Variants in IMPA2 observed in about 807,000 individuals in gnomAD.
The protein encoded by IMPA2 is IMP 2.
A neutral mutation model predicts 35.1 loss-of-function variants in IMPA2; 32 were observed. The observed-to-expected ratio is 0.91, with a 90% CI of 0.69 to 1.23. IMPA2 has a LOEUF of 1.23. Ranked by LOEUF, IMPA2 falls within the 50% of genes most tolerant of loss-of-function variation. IMPA2 has a pLI of 0.00. For missense variants in IMPA2, 334 were observed against 387.6 expected (o/e 0.86, Z 1.16); for synonymous variants, 135 against 160.6 (o/e 0.84, Z 1.20).
intron 5 of IMPA2, among the ~76,000 whole-genome samples, chr18:12,021,418 GA>G (rs1356827035): frequency 4.0e-5 from 6 of 151,706 alleles, no homozygotes; most frequent in African/African-American, 1.5e-4. Context: ...ACACACTGAT[GA>G]AAGTGTAGTC....
chr18:11,983,147 C>T (rs1411208765), intron 1 of IMPA2, among the ~76,000 whole-genome samples: 1 of 152,132 alleles, frequency 6.6e-6, no homozygotes, highest in African/African-American at 2.4e-5. Flanking sequence ...AAGAGTGTTG[C>T]GAAACTCCAC....
At chr18:11,992,343 T>C (rs1906840143) in intron 1 of IMPA2, among the ~76,000 whole-genome samples, 1 of 152,206 alleles carries the variant, frequency 6.6e-6, no homozygotes, top group African/African-American at 2.4e-5. Context: ...GAAACTGCAC[T>C]CTGGCAAGGC....
At chr18:12,020,770 G>T (rs1907707228) in intron 5 of IMPA2, among the ~76,000 whole-genome samples, 1 of 151,870 alleles carries the variant, frequency 6.6e-6, no homozygotes, top group Non-Finnish European at 1.5e-5. Context: ...TTTCCTTTAT[G>T]TAATTTTTCC....
intron 2 of IMPA2, 65 bp downstream of exon 2, chr18:11,999,252 C>A (rs1050728607): frequency 2.7e-6 from 4 of 1,507,268 alleles, no homozygotes; most frequent in Non-Finnish European, 3.6e-6. Context: ...AATGCAGGGT[C>A]TGCCGGGGTC....
At chr18:11,982,971 A>G (rs537840675) in intron 1 of IMPA2, among the ~76,000 whole-genome samples, 1 of 152,288 alleles carries the variant, frequency 6.6e-6, no homozygotes, top group Admixed American at 6.5e-5. Context: ...TTAAATTTGA[A>G]GTGAGTCGTC....
At chr18:12,005,924 T>G (rs1029524235) in intron 2 of IMPA2, among the ~76,000 whole-genome samples, 28 of 152,216 alleles carry the variant, frequency 1.8e-4, no homozygotes, top group African/African-American at 5.8e-4. Context: ...CTTACCTTTG[T>G]GCCTGAGTCA....
intron 1 of IMPA2, among the ~76,000 whole-genome samples, chr18:11,997,765 T>G (rs538367689): frequency 6.6e-6 from 1 of 152,188 alleles, no homozygotes; most frequent in Non-Finnish European, 1.5e-5. Context: ...TTGAGAGAAA[T>G]ACAGGATTCT....
intron 5 of IMPA2, among the ~76,000 whole-genome samples, chr18:12,022,941 A>ATTTTTTT (rs35737614): frequency 9.8e-5 from 8 of 81,674 alleles, no homozygotes; most frequent in Admixed American, 1.7e-4. Flanking sequence ...CGCCTGCCTA[A>ATTTTTTT]TTTTTTTTTT....
At chr18:12,020,645 C>T (rs947557699) in intron 5 of IMPA2, among the ~76,000 whole-genome samples, 2 of 151,554 alleles carry the variant, frequency 1.3e-5, no homozygotes, top group African/African-American at 4.9e-5. Flanking sequence ...TTATCTTTTC[C>T]ACCAATTATC....
At position 12,030,371 on chromosome 18, in the gene IMPA2, AGT is replaced by A; in HGVS notation, c.782_783del (p.Val261GlyfsTer20). 6.2e-7 allele frequency: 1 copy of A among 1,614,096 alleles called. No individual in the cohort carries two copies. The highest frequency in any genetic ancestry group is 8.5e-7 in the Non-Finnish European group (1 of 1,180,010). ...GACCCCTCGACCTCATGGCTTGCAG[AGT>A]GGTTGCGGCCAGCACCCGGGAGATG... ...GGPLDLMACR[V>X]VAASTREMAM... is the part of the protein sequence containing the mutation. On this transcript the variant is annotated frameshift_variant, in exon 8 of 8. Transcript: ENST00000269159. LOFTEE classifies it high-confidence loss of function.
At chr18:11,990,068 G>A (rs1225746995) in intron 1 of IMPA2, among the ~76,000 whole-genome samples, 1 of 152,168 alleles carries the variant, frequency 6.6e-6, no homozygotes, top group Non-Finnish European at 1.5e-5. Context: ...CCTGGAGCCT[G>A]GTTTGCGTCT....
chr18:11,999,291 C>A, intron 2 of IMPA2, 104 bp downstream of exon 2: 1 of 1,138,288 alleles, frequency 8.8e-7, no homozygotes, highest in Non-Finnish European at 1.2e-6. Context: ...TTGATGTGGC[C>A]AGACGTGAAG....
intron 1 of IMPA2, among the ~76,000 whole-genome samples, chr18:11,996,329 C>T (rs1008853879): frequency 3.3e-5 from 5 of 152,194 alleles, no homozygotes; most frequent in Non-Finnish European, 4.4e-5. Context: ...CTGTGAGCAG[C>T]GGGAAGCCGT....
chr18:12,022,540 T>TATATATATATATAG (rs1907760524), intron 5 of IMPA2, among the ~76,000 whole-genome samples: 1 of 141,382 alleles, frequency 7.1e-6, no homozygotes, highest in Non-Finnish European at 1.5e-5. Context: ...TATATATATA[T>TATATATATATATAG]ATATATATAT....
At chr18:12,004,534 G>GGT in intron 2 of IMPA2, among the ~76,000 whole-genome samples, 1 of 139,642 alleles carries the variant, frequency 7.2e-6, no homozygotes, top group South Asian at 2.3e-4. Context: ...TATATTGTGG[G>GGT]TTTTTTTTTT....
At chr18:12,029,876 C>T (rs1040371065) in intron 7 of IMPA2, among the ~76,000 whole-genome samples, 3 of 152,214 alleles carry the variant, frequency 2.0e-5, no homozygotes, top group African/African-American at 2.4e-5. Flanking sequence ...CGAGCTTCTT[C>T]GAGTGTGGGT....
chr18:12,007,676 T>TTTCTTTCC (rs1568032979), intron 2 of IMPA2, among the ~76,000 whole-genome samples: 8 of 111,360 alleles, frequency 7.2e-5, no homozygotes, highest in South Asian at 2.8e-4. Flanking sequence ...TCTTTCTTTC[T>TTTCTTTCC]TTCCTTTCTT....
intron 1 of IMPA2, among the ~76,000 whole-genome samples, chr18:11,983,246 T>C (rs1050321386): frequency 6.6e-6 from 1 of 152,226 alleles, no homozygotes; most frequent in Non-Finnish European, 1.5e-5. Context: ...CAAGCGTTCT[T>C]CCTGGAAAGC....
chr18:12,022,941 A>ATTTTTTTTTGT (rs1907775192), intron 5 of IMPA2, among the ~76,000 whole-genome samples: 1 of 81,672 alleles, frequency 1.2e-5, no homozygotes. Context: ...CGCCTGCCTA[A>ATTTTTTTTTGT]TTTTTTTTTT....
Sources: allele counts gnomAD v4.1 joint callset (sites outside exome capture counted in the v4.1 genomes callset), GRCh38; gene constraint gnomAD v4.1.1; transcripts MANE v1.5; gene names NCBI Gene and HGNC (gene_info 2026-07-23, HGNC 2026-07-21).